The following TMPRSS15 variants were observed in gnomAD, a reference collection of about 807,000 sequenced individuals.
TMPRSS15 encodes the protein enteropeptidase.
Under a neutral mutation model 125.3 loss-of-function variants are expected in TMPRSS15, and 128 were observed. The ratio of observed to expected loss-of-function variants is 1.02; its 90% CI spans 0.89 to 1.18. TMPRSS15 has a LOEUF of 1.18. Among genes scored for constraint, TMPRSS15 ranks in the 50% most tolerant of loss-of-function variants. TMPRSS15 has a pLI of 0.00. For synonymous variants in TMPRSS15, 446 were observed against 423.2 expected (o/e 1.05, Z -0.66); for missense variants, 1,283 against 1,212.7 (o/e 1.06, Z -0.86).
chr21:18,304,616 TA>T (rs1378780095), intron 18 of TMPRSS15, among the ~76,000 whole-genome samples: 1 of 152,174 alleles, frequency 6.6e-6, no homozygotes, highest in East Asian at 1.9e-4. Context: ...GCAACATCTA[TA>T]ATATGGTCAC....
chr21:18,315,049 G>A, intron 17 of TMPRSS15, 97 bp downstream of exon 17: 1 of 949,786 alleles, frequency 1.1e-6, no homozygotes, highest in Non-Finnish European at 1.7e-6. Flanking sequence ...CATCAAAACA[G>A]GTCCTAATAG....
chr21:18,307,293 G>A lies in TMPRSS15; in HGVS notation c.2165+5652C>T, dbSNP rs552261563. On this transcript the variant is annotated intron_variant, in intron 18 of 24. Coordinates refer to ENST00000284885, the MANE Select transcript of TMPRSS15 (RefSeq NM_002772.3). ...AAAAATATTGTATCTAAGGCAGTGG[G>A]ATGTACTACTTGTGTTACAGACACT... Among the ~76,000 whole-genome samples, 6 of 152,242 alleles carry A rather than the reference G, an allele frequency of 3.9e-5. No individual in the cohort carries two copies. The South Asian group carries it at 1.2e-3, about 32-fold the overall frequency.
At chr21:18,450,396 C>A (rs9977941) in intron 1 of TMPRSS15, among the ~76,000 whole-genome samples, 6,526 of 152,112 alleles carry the variant, frequency 0.043, 471 homozygotes, top group African/African-American at 0.15. Context: ...TGGCGATTTC[C>A]TATGAGCCCT....
rs578124027 is a variant in TMPRSS15 at position 18,321,483 on chromosome 21, G to A, written c.1921+4949C>T. ...TTCTCCTGCCTCAGCCTTCCCAGTA[G>A]CTGGGACTACAGGTGCCTGCCACCA... On this transcript the variant is annotated intron_variant, in intron 16 of 24. Transcript: ENST00000284885. Among the ~76,000 whole-genome samples, 136 of 150,536 alleles carry A rather than the reference G, an allele frequency of 9.0e-4. 1 individual carries two copies. Among genetic ancestry groups the A allele is most frequent in the African/African-American group, 3.0e-3 (121 of 40,820 alleles).
At chr21:18,420,257 C>T (rs117452194) in intron 1 of TMPRSS15, among the ~76,000 whole-genome samples, 2 of 152,300 alleles carry the variant, frequency 1.3e-5, no homozygotes, top group African/African-American at 2.4e-5. Flanking sequence ...CTTTAACATC[C>T]TTTGAGTCTG....
chr21:18,283,040 G>C (rs556954737), intron 21 of TMPRSS15, among the ~76,000 whole-genome samples: 2 of 152,158 alleles, frequency 1.3e-5, no homozygotes, highest in Non-Finnish European at 2.9e-5. Context: ...AGGTCATTAT[G>C]GTGCTGTACA....
chr21:18,427,673 A>G (rs1014489427), intron 1 of TMPRSS15, among the ~76,000 whole-genome samples: 1 of 152,210 alleles, frequency 6.6e-6, no homozygotes, highest in African/African-American at 2.4e-5. Context: ...TACCTAAGAA[A>G]TATACTTATT....
At chr21:18,446,008 A>C (rs2076255108) in intron 1 of TMPRSS15, among the ~76,000 whole-genome samples, 1 of 152,198 alleles carries the variant, frequency 6.6e-6, no homozygotes, top group African/African-American at 2.4e-5. Context: ...GGAAAGGAAA[A>C]AGTCAAATTA....
chr21:18,471,282 G>T (rs1978775261), intron 1 of TMPRSS15, among the ~76,000 whole-genome samples: 1 of 152,040 alleles, frequency 6.6e-6, no homozygotes, highest in Non-Finnish European at 1.5e-5. Flanking sequence ...TCTATCAATA[G>T]TATGTATATA....
chr21:18,269,713 G>T lies in TMPRSS15; in HGVS notation c.*256C>A, dbSNP rs1241961753. ...TAATCATTAAGAATTTTAAAAATGA[G>T]ATCTGTGAAGAAATACCTGTTCACA... On this transcript the variant is annotated 3_prime_UTR_variant, in exon 25 of 25. Transcript: ENST00000284885. The T allele has an allele frequency of 5.0e-6, 2 of 399,268 alleles. No homozygotes were observed. Among genetic ancestry groups the T allele is most frequent in the African/African-American group, 4.1e-5 (2 of 49,026 alleles). The allele number at this position is 399,268 out of a possible 1,614,324, so 24.7% of individuals were successfully genotyped here. A position where few individuals can be genotyped will look rare whatever the true frequency, so the allele number is the denominator to read the frequency against.
At chr21:18,400,863 A>T (rs2076088332) in intron 1 of TMPRSS15, among the ~76,000 whole-genome samples, 1 of 152,192 alleles carries the variant, frequency 6.6e-6, no homozygotes, top group Admixed American at 6.5e-5. Flanking sequence ...ATCTATAAGG[A>T]TCTTAAATAA....
At chr21:18,328,473 C>T (rs2075314196) in intron 15 of TMPRSS15, among the ~76,000 whole-genome samples, 1 of 152,116 alleles carries the variant, frequency 6.6e-6, no homozygotes, top group Non-Finnish European at 1.5e-5. Flanking sequence ...AAGAGAACTA[C>T]ATAATGGGTG....
At chr21:18,454,772 G>A (rs1978408836) in intron 1 of TMPRSS15, among the ~76,000 whole-genome samples, 1 of 152,112 alleles carries the variant, frequency 6.6e-6, no homozygotes, top group Non-Finnish European at 1.5e-5. Flanking sequence ...GTTCTCATTG[G>A]TAAGGGCAGA....
chr21:18,325,837 T>TAC (rs1022312189), intron 16 of TMPRSS15, among the ~76,000 whole-genome samples: 15 of 152,102 alleles, frequency 9.9e-5, no homozygotes, highest in Non-Finnish European at 1.0e-4. Flanking sequence ...TCCATATATA[T>TAC]ACACACACAT....
At chr21:18,296,407 GC>G (rs1201185914) in intron 19 of TMPRSS15, among the ~76,000 whole-genome samples, 1 of 152,062 alleles carries the variant, frequency 6.6e-6, no homozygotes, top group Non-Finnish European at 1.5e-5. Context: ...ATATAATGTG[GC>G]TAATTAAGGA....
intron 1 of TMPRSS15, among the ~76,000 whole-genome samples, chr21:18,451,099 T>C (rs2065240): frequency 0.96 from 146,059 of 152,124 alleles, 70,413 homozygotes; most frequent in East Asian, 1. Flanking sequence ...TGAATCCTCC[T>C]TTTTTATTTC....
At chr21:18,295,055 A>G (rs1481602252) in intron 19 of TMPRSS15, among the ~76,000 whole-genome samples, 2 of 152,208 alleles carry the variant, frequency 1.3e-5, no homozygotes, top group Non-Finnish European at 2.9e-5. Flanking sequence ...ATTGGTTTTC[A>G]TCATTCTATA....
chr21:18,463,035 A>G (rs900371329), intron 1 of TMPRSS15, among the ~76,000 whole-genome samples: 14 of 151,928 alleles, frequency 9.2e-5, no homozygotes, highest in Admixed American at 8.5e-4. Context: ...CTCTCACATA[A>G]TTTTTTAACA....
intron 6 of TMPRSS15, among the ~76,000 whole-genome samples, chr21:18,369,791 C>T (rs1450700913): frequency 6.6e-6 from 1 of 151,900 alleles, no homozygotes; most frequent in Non-Finnish European, 1.5e-5. Context: ...TGAGCTGGTG[C>T]TGAAAGTCAT....
Sources: gnomAD v4.1 joint callset for allele counts (sites outside exome capture counted in the v4.1 genomes callset) on GRCh38, gnomAD v4.1.1 for gene constraint, MANE v1.5 for transcripts, NCBI Gene and HGNC (gene_info 2026-07-23, HGNC 2026-07-21) for gene names.